The following PAIP1 variants were observed in gnomAD, a reference collection of about 807,000 sequenced individuals.
PAIP1 encodes polyadenylate-binding protein-interacting protein 1.
PAIP1 carries 16 observed loss-of-function variants against 61.3 expected under a neutral mutation model. The ratio of observed to expected loss-of-function variants is 0.26; its 90% CI spans 0.18 to 0.40. PAIP1 has a LOEUF of 0.40. Among genes scored for constraint, PAIP1 ranks in the 10% least tolerant of loss-of-function variants. PAIP1 has a pLI of 1.00. For synonymous variants in PAIP1, 187 were observed against 226.2 expected, an observed-to-expected ratio of 0.83 and a Z score of 1.56; for missense variants, 416 against 600.9, an observed-to-expected ratio of 0.69 and a Z score of 3.22.
At chr5:43,531,656 C>CAAAAAAAAAAAAAAAAAAGAAA in intron 9 of PAIP1, among the ~76,000 whole-genome samples, 1 of 59,868 alleles carries the variant, frequency 1.7e-5, no homozygotes, top group Non-Finnish European at 3.4e-5. Context: ...GACTCTGTCT[C>CAAAAAAAAAAAAAAAAAAGAAA]AAAAAAAAAA....
chr5:43,541,923 T>A (rs1747430042), intron 4 of PAIP1, among the ~76,000 whole-genome samples: 1 of 152,082 alleles, frequency 6.6e-6, no homozygotes, highest in African/African-American at 2.4e-5. Context: ...ACGCCTGTAA[T>A]CCCAGCACTT....
chr5:43,552,984 A>G (rs1747922589), intron 2 of PAIP1, among the ~76,000 whole-genome samples: 1 of 152,216 alleles, frequency 6.6e-6, no homozygotes, highest in Admixed American at 6.5e-5. Context: ...AATTTTACCT[A>G]TTGGAGAATG....
At chr5:43,544,334 G>A (rs1241141050) in intron 3 of PAIP1, among the ~76,000 whole-genome samples, 1 of 152,056 alleles carries the variant, frequency 6.6e-6, no homozygotes, top group Admixed American at 6.5e-5. Flanking sequence ...AAGGGAGAAA[G>A]AGTGATTTCT....
chr5:43,534,837 A>C lies in PAIP1; in HGVS notation c.1197+16T>G. On this transcript the variant is annotated intron_variant, in intron 8 of 10. Transcript: ENST00000306846. ...TCAAGCAATAAGTAAAACTTAAAAT[A>C]TAAACACTGGCATACCATAAAGTAG... is the stretch of plus-strand genomic sequence containing the variant. 7.9e-7 allele frequency: 1 copy of C among 1,271,238 alleles called. No individual in the cohort carries two copies. The highest frequency in any genetic ancestry group is 1.2e-5 in the South Asian group (1 of 83,596). The allele number at this position is 1,271,238 out of a possible 1,614,324, so 78.7% of individuals were successfully genotyped here.
In PAIP1 at chr5:43,539,047, C is replaced by A; in HGVS notation, c.735-12G>T. 1 of 1,486,564 alleles carries A rather than the reference C, an allele frequency of 6.7e-7. No individual in the cohort carries two copies. The highest frequency in any genetic ancestry group is 1.7e-5 in the Admixed American group (1 of 59,608). 92.1% of individuals were successfully genotyped at this position (1,486,564 alleles called of 1,614,324 possible). The stretch of plus-strand genomic sequence containing the variant: ...ATTCAGTCCGACATCTAATTAAAGA[C>A]ATATCTTTTATAATCTCACATTGCT... On this transcript the variant is annotated splice_polypyrimidine_tract_variant and intron_variant, in intron 4 of 10. Coordinates refer to ENST00000306846, the MANE Select transcript of PAIP1 (RefSeq NM_006451.5).
intron 3 of PAIP1, among the ~76,000 whole-genome samples, chr5:43,545,727 T>G (rs1747610967): frequency 6.6e-6 from 1 of 152,164 alleles, no homozygotes; most frequent in Admixed American, 6.5e-5. Flanking sequence ...AGCATCATTT[T>G]AGTGGTGTTT....
intron 1 of PAIP1, 78 bp downstream of exon 1, chr5:43,556,504 G>A: frequency 8.2e-7 from 1 of 1,213,668 alleles, no homozygotes; most frequent in Non-Finnish European, 1.0e-6. Flanking sequence ...CAGACAGCGC[G>A]TCGGGCCTCG....
At position 43,556,878 on chromosome 5, in the gene PAIP1, C is replaced by A; in HGVS notation, c.-32G>T. On this transcript the variant is annotated 5_prime_UTR_variant, in exon 1 of 11. Transcript: ENST00000306846. The stretch of plus-strand genomic sequence containing the variant: ...CCTCCTCCGCCTCCTCCTCCAGGGG[C>A]CGCTGCCGCTGCGCTCGCGATAGGA... 7.3e-7 allele frequency: 1 copy of A among 1,367,570 alleles called. No homozygotes were observed. Among genetic ancestry groups the A allele is most frequent in the Non-Finnish European group, 9.4e-7 (1 of 1,064,072 alleles). The allele number at this position is 1,367,570 out of a possible 1,614,324, so 84.7% of individuals were successfully genotyped here.
chr5:43,555,551 G>C (rs780093585), intron 2 of PAIP1, among the ~76,000 whole-genome samples: 20 of 152,136 alleles, frequency 1.3e-4, no homozygotes, highest in Non-Finnish European at 2.1e-4. Context: ...ACAATAATTA[G>C]GATCAAAACT....
Position 43,529,869 on chromosome 5 carries a change from C to A in PAIP1, c.1263G>T (p.Glu421Asp). 7.0e-7 allele frequency: 1 copy of A among 1,438,794 alleles called. No homozygotes were observed. The highest frequency in any genetic ancestry group is 9.8e-7 in the Non-Finnish European group (1 of 1,020,166). 89.1% of individuals were successfully genotyped at this position (1,438,794 alleles called of 1,614,324 possible). Residue 421 changes from glutamate to aspartate, a missense_variant, in exon 10 of 11, where the codon GAG becomes GAT. By Grantham distance (45) the Glu-to-Asp change is conservative. This residue lies in a region of PAIP1 where 135 missense variants were observed against 283.9 expected (regional missense o/e 0.48). Transcript: ENST00000306846. ...CTCTTTCAAGTAATTCTTGGTATTT[C>A]TCTTGGTAATCTGTAAGACAACATA... Reference protein sequence around the residue: ...PFTAADPDYQEKYQELLERED... With the variant: ...PFTAADPDYQDKYQELLERED...
chr5:43,550,919 C>CCAG (rs1248599936), intron 2 of PAIP1, among the ~76,000 whole-genome samples: 1 of 140,682 alleles, frequency 7.1e-6, no homozygotes, highest in Non-Finnish European at 1.5e-5. Flanking sequence ...AAAAAAAGAT[C>CCAG]CAGCCATACA....
At chr5:43,538,756 C>T (rs570966863) in intron 5 of PAIP1, among the ~76,000 whole-genome samples, 168 bp downstream of exon 5, 6 of 152,318 alleles carry the variant, frequency 3.9e-5, no homozygotes, top group Middle Eastern at 6.8e-3. Context: ...TATGGACAGA[C>T]GGTCCAGTAA....
chr5:43,551,254 T>G (rs1483756160), intron 2 of PAIP1, among the ~76,000 whole-genome samples: 2 of 151,984 alleles, frequency 1.3e-5, no homozygotes, highest in African/African-American at 2.4e-5. Context: ...ATTTTTAACC[T>G]CTCTGTGAAA....
In PAIP1 at chr5:43,539,454, C is replaced by T. The variant is rs12521301; in HGVS notation, c.735-419G>A. Among the ~76,000 whole-genome samples the T allele has an allele frequency of 0.011, 82 of 7,804 alleles. No homozygotes were observed. The East Asian group carries it at 0.5, about 48-fold the overall frequency. The allele number at this position is 7,804 out of a possible 152,430, so 5.1% of individuals were successfully genotyped here. On this transcript the variant is annotated intron_variant, in intron 4 of 10. Coordinates refer to ENST00000306846, the MANE Select transcript of PAIP1 (RefSeq NM_006451.5). Reference sequence around the variant, plus strand: ...CAACTTTGAAAAGGATCTTTAAATACACACACACACACACACACACACACA... The same window carrying T: ...CAACTTTGAAAAGGATCTTTAAATATACACACACACACACACACACACACA...
intron 2 of PAIP1, among the ~76,000 whole-genome samples, chr5:43,554,092 G>A (rs1203213182): frequency 6.6e-6 from 1 of 152,176 alleles, no homozygotes; most frequent in Non-Finnish European, 1.5e-5. Flanking sequence ...GGATGGCAAG[G>A]AATGCCTAAA....
chr5:43,542,959 G>T, intron 4 of PAIP1, 45 bp downstream of exon 4: 1 of 983,052 alleles, frequency 1.0e-6, no homozygotes, highest in Non-Finnish European at 1.6e-6. Flanking sequence ...TCAAATTCTA[G>T]TATATTTAGA....
At position 43,555,830 on chromosome 5, in the gene PAIP1, T is replaced by C. The variant is rs745979378; in HGVS notation, c.435A>G (p.Thr145=). Residue 145 remains threonine (T), a splice_region_variant and synonymous_variant, in exon 2 of 11, where the codon ACA becomes ACG. Coordinates refer to ENST00000306846, the MANE Select transcript of PAIP1 (RefSeq NM_006451.5). ...GTTGTAGGAAAAAGGGTGTACTTAC[T>C]GTGTAACTGGAAGAATAACCTGAAG... ...FYPSGYSSSY[T]ESYEDGCEDY... The C allele has an allele frequency of 1.1e-5, 17 of 1,607,444 alleles. 1 individual carries two copies. The South Asian group carries it at 1.9e-4, about 18-fold the overall frequency.
rs1746730045 is a variant in PAIP1 at position 43,526,834 on chromosome 5, C to T, written c.*542G>A. 5 of 152,034 alleles carry T rather than the reference C, an allele frequency of 3.3e-5. No homozygotes were observed. In the South Asian group the frequency reaches 1.0e-3, roughly 32 times the overall value. The allele number at this position is 152,034 out of a possible 1,614,324, so 9.4% of individuals were successfully genotyped here. A position where few individuals can be genotyped will look rare whatever the true frequency, so the allele number is the denominator to read the frequency against. On this transcript the variant is annotated 3_prime_UTR_variant, in exon 11 of 11. Coordinates refer to ENST00000306846, the MANE Select transcript of PAIP1 (RefSeq NM_006451.5). ...TTTCCCCCCCATGACATTTAAAAAG[C>T]CCTTGGTATCAAATAGCATCTGCAT...
intron 2 of PAIP1, among the ~76,000 whole-genome samples, chr5:43,555,486 C>T (rs1748023779): frequency 6.6e-6 from 1 of 152,172 alleles, no homozygotes; most frequent in African/African-American, 2.4e-5. Flanking sequence ...AAAGTTTAAA[C>T]ATTCTTTATA....
Sources: gnomAD v4.1 joint callset for allele counts (sites outside exome capture counted in the v4.1 genomes callset) on GRCh38, gnomAD v4.1.1 for gene constraint, gnomAD v4.1.1 regional missense constraint, MANE v1.5 for transcripts, NCBI Gene and HGNC (gene_info 2026-07-23, HGNC 2026-07-21) for gene names.